The following CDC20B variants were observed in gnomAD, a reference collection of about 807,000 sequenced individuals.
The protein encoded by CDC20B is cell division cycle protein 20 homolog B.
Under a neutral mutation model 64.1 loss-of-function variants are expected in CDC20B, and 58 were observed. The observed-to-expected ratio is 0.90, with a 90% confidence interval of 0.73 to 1.13. CDC20B has a LOEUF of 1.13. CDC20B is among the 50% of genes most tolerant of loss of function. The pLI, the probability that CDC20B is intolerant of heterozygous loss-of-function variation, is 0.00. For missense variants in CDC20B, 597 were observed against 633.0 expected, an observed-to-expected ratio of 0.94 and a Z score of 0.61; for synonymous variants, 243 against 230.6, an observed-to-expected ratio of 1.05 and a Z score of -0.49.
intron 2 of CDC20B, among the ~76,000 whole-genome samples, chr5:55,153,538 A>G (rs1387418455): frequency 6.6e-6 from 1 of 152,190 alleles, no homozygotes; most frequent in Non-Finnish European, 1.5e-5. Context: ...GTAACTAGTA[A>G]TAAATTTGCT....
intron 3 of CDC20B, among the ~76,000 whole-genome samples, chr5:55,144,315 T>C (rs1337843723): frequency 6.6e-6 from 1 of 152,186 alleles, no homozygotes; most frequent in African/African-American, 2.4e-5. Flanking sequence ...TACTCTCTTC[T>C]CAAGATTGAG....
chr5:55,168,854 A>G (rs1445564321), intron 2 of CDC20B, among the ~76,000 whole-genome samples: 9 of 152,192 alleles, frequency 5.9e-5, no homozygotes. Flanking sequence ...AAGGACTGAA[A>G]AACTATCTAT....
intron 2 of CDC20B, chr5:55,165,771 G>A (rs946621795): frequency 7.2e-5 from 11 of 152,180 alleles, no homozygotes; most frequent in African/African-American, 1.7e-4. Flanking sequence ...CGCCAGCTGC[G>A]TGACTTTAGG....
intron 2 of CDC20B, among the ~76,000 whole-genome samples, chr5:55,153,955 G>A (rs990926819): frequency 6.6e-5 from 10 of 152,126 alleles, no homozygotes; most frequent in South Asian, 2.1e-4. Flanking sequence ...AAATCAGTAC[G>A]ATTTTAGGTC....
chr5:55,132,243 G>A (rs1047228353), intron 6 of CDC20B, among the ~76,000 whole-genome samples: 6 of 152,072 alleles, frequency 3.9e-5, no homozygotes, highest in African/African-American at 1.4e-4. Context: ...TTCCCTTCAG[G>A]GATTTTTCTT....
chr5:55,128,539 TC>T lies in CDC20B; in HGVS notation c.775del (p.Glu259ArgfsTer9). 8.1e-6 allele frequency: 13 copies of T among 1,611,098 alleles called. No homozygotes were observed. The highest frequency in any genetic ancestry group is 1.1e-5 in the Non-Finnish European group (13 of 1,179,412). On this transcript the variant is annotated frameshift_variant, in exon 7 of 12. Transcript: ENST00000381375. LOFTEE classifies it high-confidence loss of function. Reference sequence around the variant, plus strand: ...TATGTTTTCAATCCCATTGTGGTTCTCCCCATTCCAGATGTATACAGCAGAG... The same window carrying T: ...TATGTTTTCAATCCCATTGTGGTTCTCCCATTCCAGATGTATACAGCAGAG... ...LGSAVYIWNG[E>X]NHNGIENIDL...
chr5:55,144,030 A>G (rs1193408587), intron 3 of CDC20B, among the ~76,000 whole-genome samples: 1 of 151,720 alleles, frequency 6.6e-6, no homozygotes, highest in East Asian at 1.9e-4. Flanking sequence ...GCACATTTGA[A>G]GAATGGATAG....
intron 5 of CDC20B, among the ~76,000 whole-genome samples, chr5:55,134,034 T>C (rs1743094751): frequency 6.6e-6 from 1 of 152,178 alleles, no homozygotes; most frequent in African/African-American, 2.4e-5. Flanking sequence ...AATATATTTA[T>C]AGTTGGAATC....
intron 2 of CDC20B, among the ~76,000 whole-genome samples, chr5:55,149,263 A>G (rs531880625): frequency 4.6e-5 from 7 of 152,356 alleles, no homozygotes; most frequent in Admixed American, 3.3e-4. Flanking sequence ...TGTACATTGC[A>G]AGTGTACAGA....
rs527988297 is a variant in CDC20B, at chr5:55,163,755, G to A, written c.126+8833C>T. On this transcript the variant is annotated intron_variant, in intron 2 of 11. Coordinates refer to ENST00000381375, the MANE Select transcript of CDC20B (RefSeq NM_001170402.1). Reference sequence around the variant, plus strand: ...ACTCCTGATCTTAGGTGATCCACCCGCCTCAGCCTCCCAAAGTGCTGGGAT... The same window carrying A: ...ACTCCTGATCTTAGGTGATCCACCCACCTCAGCCTCCCAAAGTGCTGGGAT... Among the ~76,000 whole-genome samples the A allele has an allele frequency of 5.3e-5, 8 of 150,546 alleles. No homozygotes were observed. The East Asian group carries it at 7.8e-4, about 15-fold the overall frequency.
At chr5:55,134,633 A>G (rs533227991) in intron 5 of CDC20B, among the ~76,000 whole-genome samples, 2 of 152,204 alleles carry the variant, frequency 1.3e-5, no homozygotes, top group South Asian at 4.1e-4. Flanking sequence ...ATGCTGGTAC[A>G]TGCCTGTAGT....
chr5:55,147,963 T>C (rs2111891255), intron 2 of CDC20B, among the ~76,000 whole-genome samples: 1 of 152,314 alleles, frequency 6.6e-6, no homozygotes, highest in African/African-American at 2.4e-5. Context: ...GAGTTTGATA[T>C]TTATAGAGCC....
At chr5:55,172,906 T>G in intron 1 of CDC20B, 32 bp downstream of exon 1, 1 of 1,569,268 alleles carries the variant, frequency 6.4e-7, no homozygotes, top group Non-Finnish European at 8.7e-7. Flanking sequence ...CATTAGAGAG[T>G]TAGGGAGAAT....
intron 2 of CDC20B, among the ~76,000 whole-genome samples, chr5:55,157,661 A>C (rs1278790179): frequency 2.0e-5 from 3 of 152,250 alleles, no homozygotes; most frequent in Non-Finnish European, 2.9e-5. Context: ...CTTATTCAGC[A>C]ATCACAAGCA....
At chr5:55,132,802 T>C (rs1743063183) in intron 6 of CDC20B, among the ~76,000 whole-genome samples, 1 of 152,188 alleles carries the variant, frequency 6.6e-6, no homozygotes, top group Non-Finnish European at 1.5e-5. Context: ...CCATTAAATA[T>C]CTTAATTACC....
intron 9 of CDC20B, 57 bp from the exon 10 acceptor site, chr5:55,120,607 G>C: frequency 4.4e-6 from 7 of 1,597,060 alleles, no homozygotes; most frequent in Non-Finnish European, 6.0e-6. Flanking sequence ...GTGCACTCAT[G>C]AATGTGATGC....
At chr5:55,160,960 A>C (rs2111940143) in intron 2 of CDC20B, 1 of 1,580,188 alleles carries the variant, frequency 6.3e-7, no homozygotes, top group East Asian at 2.2e-5. Context: ...CTTTTGCTTC[A>C]CTTTCCGGTT....
At chr5:55,169,930 G>T (rs942480112) in intron 2 of CDC20B, among the ~76,000 whole-genome samples, 3 of 152,100 alleles carry the variant, frequency 2.0e-5, no homozygotes, top group Non-Finnish European at 2.9e-5. Flanking sequence ...CAGCTAACAC[G>T]GTGAAACCCC....
chr5:55,128,496 A>T lies in CDC20B; in HGVS notation c.819T>A (p.Cys273Ter). ...GIENIDLSLT[C>*]NYISSVSWIK... ...TCCAGGACACAGAAGAGATATAGTT[A>T]CAAGTGAGACTTAAGTCTATGTTTT... Residue 273 changes from cysteine (C) to a stop codon, truncating the protein, a stop_gained, in exon 7 of 12, where the codon TGT becomes TGA. Coordinates refer to ENST00000381375, the MANE Select transcript of CDC20B (RefSeq NM_001170402.1). LOFTEE classifies it high-confidence loss of function. 1 of 1,612,052 alleles carries T rather than the reference A, an allele frequency of 6.2e-7. No individual in the cohort carries two copies. The highest frequency in any genetic ancestry group is 8.5e-7 in the Non-Finnish European group (1 of 1,179,558).
Sources: gnomAD v4.1 joint callset for allele counts (sites outside exome capture counted in the v4.1 genomes callset) on GRCh38, gnomAD v4.1.1 for gene constraint, MANE v1.5 for transcripts, NCBI Gene and HGNC (gene_info 2026-07-23, HGNC 2026-07-21) for gene names.